Variants in CFAP20DC observed in about 807,000 individuals in gnomAD.
CFAP20DC encodes CFAP20 domain containing, also known as protein CFAP20DC.
CFAP20DC carries 84 observed loss-of-function variants against 101.7 expected under a neutral mutation model. The ratio of observed to expected loss-of-function variants is 0.83; its 90% CI spans 0.69 to 0.99. The LOEUF is 0.99. Among genes scored for constraint, CFAP20DC ranks in the 50% least tolerant of loss-of-function variants. The pLI, the probability that CFAP20DC is intolerant of heterozygous loss-of-function variation, is 0.00. For synonymous variants in CFAP20DC, 359 were observed against 351.2 expected (o/e 1.02, Z -0.25); for missense variants, 1,007 against 970.3 (o/e 1.04, Z -0.50).
At chr3:58,951,368 G>A (rs933477559) in intron 4 of CFAP20DC, among the ~76,000 whole-genome samples, 4 of 152,158 alleles carry the variant, frequency 2.6e-5, no homozygotes, top group African/African-American at 4.8e-5. Context: ...AGGGATCTAG[G>A]ACTAGAAATA....
chr3:58,863,358 C>A lies in CFAP20DC; in HGVS notation c.1593+200G>T, dbSNP rs1342479359. ...TTTCTATAAGTAAAAGTGAAATTGG[C>A]TGACTGTTAATTAAAAAAAAAAAAA... On this transcript the variant is annotated intron_variant, in intron 12 of 16. Transcript: ENST00000482387. The surrounding 1 kb of genome is among the most constrained non-coding windows in gnomAD (Gnocchi z 5.9). 5.0e-5 allele frequency: 70 copies of A among 1,405,288 alleles called. No homozygotes were observed. The highest frequency in any genetic ancestry group is 6.2e-5 in the Non-Finnish European group (67 of 1,085,902). The allele number at this position is 1,405,288 out of a possible 1,614,324, so 87.1% of individuals were successfully genotyped here. A position where few individuals can be genotyped will look rare whatever the true frequency, so the allele number is the denominator to read the frequency against.
At chr3:58,812,976 T>G (rs953360207) in intron 14 of CFAP20DC, among the ~76,000 whole-genome samples, 1 of 151,816 alleles carries the variant, frequency 6.6e-6, no homozygotes, top group African/African-American at 2.4e-5. Flanking sequence ...AATGCTGCAG[T>G]TCAACCATCA....
chr3:58,801,938 G>C (rs1870135), intron 15 of CFAP20DC, among the ~76,000 whole-genome samples: 13,002 of 152,092 alleles, frequency 0.085, 610 homozygotes, highest in Middle Eastern at 0.12. Context: ...TTGCTGTTTG[G>C]GTATTCTGAA....
intron 4 of CFAP20DC, among the ~76,000 whole-genome samples, chr3:58,941,465 G>T (rs2088573735): frequency 6.6e-6 from 1 of 151,102 alleles, no homozygotes; most frequent in Admixed American, 6.6e-5. Context: ...TTGAGTTCCA[G>T]TAGTTGTTTT....
chr3:59,037,387 C>T (rs1177813555), intron 4 of CFAP20DC, among the ~76,000 whole-genome samples: 1 of 150,226 alleles, frequency 6.7e-6, no homozygotes, highest in Non-Finnish European at 1.5e-5. Flanking sequence ...ACCCATCTGA[C>T]AAAGGGCTAA....
rs2067608182 is a variant in CFAP20DC, at chr3:58,729,731, G to T, written c.198-12103C>A. ...CCAAATTAGTCTGCTATTATTGAAA[G>T]TTGAGGCTGGGATCGGTGGCTCATG... is the stretch of plus-strand genomic sequence containing the variant. On this transcript the variant is annotated intron_variant, in intron 3 of 3. Transcript: ENST00000486145. This position sits in a 1 kb window ranked among gnomAD's most constrained non-coding sequence, Gnocchi z 4.4. Among the ~76,000 whole-genome samples the T allele has an allele frequency of 1.3e-5, 2 of 152,152 alleles. No individual in the cohort carries two copies. Among genetic ancestry groups the T allele is most frequent in the African/African-American group, 4.8e-5 (2 of 41,432 alleles).
intron 14 of CFAP20DC, among the ~76,000 whole-genome samples, chr3:58,814,846 G>T (rs1043281108): frequency 6.6e-6 from 1 of 150,416 alleles, no homozygotes; most frequent in African/African-American, 2.5e-5. Context: ...CACTGCTCAA[G>T]GAAATAAAAG....
At chr3:59,030,872 G>A (rs1478994029) in intron 4 of CFAP20DC, among the ~76,000 whole-genome samples, 1 of 152,076 alleles carries the variant, frequency 6.6e-6, no homozygotes, top group Non-Finnish European at 1.5e-5. Flanking sequence ...CACCCAGGCT[G>A]GAGTGCAGTG....
At chr3:58,852,931 A>T (rs1201558598) in intron 12 of CFAP20DC, among the ~76,000 whole-genome samples, 2 of 151,968 alleles carry the variant, frequency 1.3e-5, no homozygotes, top group South Asian at 4.2e-4. Context: ...AGAACTAGAA[A>T]AGCAAGAGTA....
chr3:59,021,021 C>T (rs1469509053), intron 4 of CFAP20DC, among the ~76,000 whole-genome samples: 1 of 152,024 alleles, frequency 6.6e-6, no homozygotes, highest in Non-Finnish European at 1.5e-5. Context: ...GCTCTCTCTT[C>T]TTTTGCTTGC....
At chr3:58,877,162 G>A (rs1246614134) in intron 7 of CFAP20DC, among the ~76,000 whole-genome samples, 1 of 152,078 alleles carries the variant, frequency 6.6e-6, no homozygotes, top group Non-Finnish European at 1.5e-5. Flanking sequence ...TAGTAAGTCT[G>A]TTCACAGTCA....
intron 4 of CFAP20DC, among the ~76,000 whole-genome samples, chr3:59,022,396 A>G (rs1213665946): frequency 1.3e-5 from 2 of 152,130 alleles, no homozygotes; most frequent in Non-Finnish European, 2.9e-5. Flanking sequence ...GCTCTATAAT[A>G]GAGAATTGAG....
chr3:58,806,221 C>A (rs1407240666), intron 15 of CFAP20DC, among the ~76,000 whole-genome samples, 174 bp downstream of exon 15: 1 of 152,188 alleles, frequency 6.6e-6, no homozygotes, highest in East Asian at 1.9e-4. Flanking sequence ...CCTAGGTAGA[C>A]TGTTACCACT....
chr3:58,910,839 AAT>A (rs2084077804), intron 6 of CFAP20DC, among the ~76,000 whole-genome samples: 1 of 152,020 alleles, frequency 6.6e-6, no homozygotes, highest in South Asian at 2.1e-4. Flanking sequence ...AGAGCCTCAA[AAT>A]ATTTCCTAAG....
chr3:58,867,951 CAAAGCACA>C lies in CFAP20DC; in HGVS notation c.1016-23_1016-16del. The stretch of plus-strand genomic sequence containing the variant: ...TAGATTGGCTGCTACATTTTCATAT[CAAAGCACA>C]AAAGCCAGAACAGAAAGTGCTATAT... On this transcript the variant is annotated splice_polypyrimidine_tract_variant and intron_variant, in intron 9 of 16. Transcript: ENST00000482387. 6.3e-7 allele frequency: 1 copy of C among 1,594,360 alleles called. No homozygotes were observed. Among genetic ancestry groups the C allele is most frequent in the South Asian group, 1.1e-5 (1 of 87,092 alleles).
downstream of CFAP20DC, among the ~76,000 whole-genome samples, chr3:58,716,278 C>T (rs1382243590): frequency 1.3e-5 from 2 of 151,074 alleles, no homozygotes; most frequent in Non-Finnish European, 1.5e-5. Context: ...TCTCCTGCCT[C>T]AGCCTCCCGA....
intron 14 of CFAP20DC, among the ~76,000 whole-genome samples, chr3:58,810,083 T>C (rs561997754): frequency 7.9e-5 from 12 of 152,114 alleles, no homozygotes; most frequent in African/African-American, 2.7e-4. Flanking sequence ...TCAAAAAGAA[T>C]CCAGGACCAG....
Position 58,894,187 on chromosome 3 carries a change from C to T in CFAP20DC, c.551-9478G>A, listed in dbSNP as rs542886360. 2.6e-5 allele frequency among the ~76,000 whole-genome samples: 4 copies of T among 152,138 alleles called. No homozygotes were observed. The highest frequency in any genetic ancestry group is 9.7e-5 in the African/African-American group (4 of 41,414). ...TCCCCTTGGCCCCTCCCAAATCTCA[C>T]GTCCTCACATTTCAAAGCCAATTAT... On this transcript the variant is annotated intron_variant, in intron 6 of 16. Coordinates refer to ENST00000482387, the MANE Select transcript of CFAP20DC (RefSeq NM_001394063.1). This position sits in a 1 kb window ranked among gnomAD's most constrained non-coding sequence, Gnocchi z 4.1.
At chr3:59,013,201 G>A (rs1351809895) in intron 4 of CFAP20DC, among the ~76,000 whole-genome samples, 1 of 152,158 alleles carries the variant, frequency 6.6e-6, no homozygotes, top group Non-Finnish European at 1.5e-5. Flanking sequence ...AAGGGCTCTA[G>A]GAAGGTGAGT....
Sources: gnomAD v4.1 joint callset for allele counts (sites outside exome capture counted in the v4.1 genomes callset) on GRCh38, gnomAD v4.1.1 for gene constraint, Gnocchi (gnomAD v3.1) non-coding constraint, MANE v1.5 for transcripts, NCBI Gene and HGNC (gene_info 2026-07-23, HGNC 2026-07-21) for gene names.